The following IARS1 variants were observed in gnomAD, a reference collection of about 807,000 sequenced individuals.
IARS1 encodes the protein isoleucyl-tRNA synthetase 1, also known as isoleucine--tRNA ligase, cytoplasmic.
In IARS1, 124 loss-of-function variants were observed where a neutral mutation model predicts 168.2. That is an observed-to-expected ratio of 0.74 (90% CI 0.64 to 0.86). IARS1 has a LOEUF of 0.86. Among genes scored for constraint, IARS1 ranks in the 40% least tolerant of loss-of-function variants. The probability of loss-of-function intolerance (pLI) is 0.00; values close to 1 mark genes in which losing one functional copy is unlikely to be tolerated. For missense variants in IARS1, 1,452 were observed against 1,515.8 expected (o/e 0.96, Z 0.70); for synonymous variants, 532 against 529.4 (o/e 1.00, Z -0.07).
intron 33 of IARS1, among the ~76,000 whole-genome samples, chr9:92,215,777 A>T (rs1397186565): frequency 6.6e-6 from 1 of 151,900 alleles, no homozygotes; most frequent in Non-Finnish European, 1.5e-5. Flanking sequence ...CTATGTGAAA[A>T]GACCAAATCT....
At chr9:92,249,831 C>T (rs908043078) in intron 25 of IARS1, 27 bp downstream of exon 25, 4 of 1,232,744 alleles carry the variant, frequency 3.2e-6, no homozygotes, top group Non-Finnish European at 4.7e-6. Flanking sequence ...CTATCTGTAC[C>T]AAAAACAGAC....
chr9:92,284,976 A>G (rs754291272), intron 6 of IARS1, among the ~76,000 whole-genome samples: 18 of 152,222 alleles, frequency 1.2e-4, no homozygotes, highest in Non-Finnish European at 2.1e-4. Flanking sequence ...ACAAAGATCA[A>G]TCAAACAGGA....
chr9:92,290,975 C>A (rs1020217284), intron 1 of IARS1, among the ~76,000 whole-genome samples: 1 of 152,222 alleles, frequency 6.6e-6, no homozygotes, highest in East Asian at 1.9e-4. Context: ...TTCCATTTTA[C>A]CCTTTTTATT....
intron 6 of IARS1, among the ~76,000 whole-genome samples, chr9:92,285,437 C>G (rs1261993556): frequency 6.6e-6 from 1 of 152,130 alleles, no homozygotes; most frequent in Non-Finnish European, 1.5e-5. Context: ...CAAAGCTGGA[C>G]TTGTTAACCC....
chr9:92,219,752 C>A (rs1175926), intron 33 of IARS1, among the ~76,000 whole-genome samples: 30,254 of 78,846 alleles, frequency 0.38, 5,801 homozygotes, highest in African/African-American at 0.69. Flanking sequence ...GGCAATCATT[C>A]AAAAGTCAGG....
chr9:92,234,719 A>G (rs1294685979), intron 30 of IARS1, among the ~76,000 whole-genome samples: 1 of 152,236 alleles, frequency 6.6e-6, no homozygotes, highest in Non-Finnish European at 1.5e-5. Flanking sequence ...AAAGCAGTTC[A>G]GGGAACCATG....
chr9:92,259,253 T>G (rs1418054880), intron 18 of IARS1, among the ~76,000 whole-genome samples: 1 of 152,168 alleles, frequency 6.6e-6, no homozygotes, highest in African/African-American at 2.4e-5. Flanking sequence ...AAATGCATCT[T>G]ATGCCACTCT....
chr9:92,285,233 T>A (rs1205974548), intron 6 of IARS1, among the ~76,000 whole-genome samples: 1 of 152,166 alleles, frequency 6.6e-6, no homozygotes, highest in Non-Finnish European at 1.5e-5. Context: ...TCTGTAAACA[T>A]CAAACATGTC....
At chr9:92,232,905 A>G (rs781631925) in intron 30 of IARS1, among the ~76,000 whole-genome samples, 7 of 152,176 alleles carry the variant, frequency 4.6e-5, no homozygotes, top group Admixed American at 6.5e-5. Context: ...TAAATGAGTG[A>G]CTGTAGCTTC....
At chr9:92,219,850 G>A (rs1177957745) in intron 33 of IARS1, among the ~76,000 whole-genome samples, 1 of 150,592 alleles carries the variant, frequency 6.6e-6, no homozygotes, top group Admixed American at 6.6e-5. Flanking sequence ...CATTGTGGAA[G>A]TCAGTGTGGC....
chr9:92,280,046 T>C (rs1303838291), intron 7 of IARS1, among the ~76,000 whole-genome samples: 3 of 152,254 alleles, frequency 2.0e-5, no homozygotes, highest in Non-Finnish European at 4.4e-5. Flanking sequence ...TATCCAATGA[T>C]AGACACTTGG....
chr9:92,286,304 T>C (rs948870498), intron 5 of IARS1, among the ~76,000 whole-genome samples: 1 of 152,098 alleles, frequency 6.6e-6, no homozygotes, highest in Non-Finnish European at 1.5e-5. Flanking sequence ...GAGGCGGAGG[T>C]TGCAGTGGGC....
At chr9:92,212,839 T>C (rs867703734) in intron 33 of IARS1, among the ~76,000 whole-genome samples, 1 of 151,962 alleles carries the variant, frequency 6.6e-6, no homozygotes, top group Admixed American at 6.6e-5. Flanking sequence ...AAGGATCTTG[T>C]GTGGAAGGGA....
At chr9:92,269,715 T>C (rs1285813530) in intron 13 of IARS1, among the ~76,000 whole-genome samples, 170 bp downstream of exon 13, 2 of 152,236 alleles carry the variant, frequency 1.3e-5, no homozygotes, top group Non-Finnish European at 2.9e-5. Context: ...ACTTCTGTTC[T>C]GTAACATTAT....
At chr9:92,236,883 C>A (rs1032065865) in intron 30 of IARS1, among the ~76,000 whole-genome samples, 1 of 152,146 alleles carries the variant, frequency 6.6e-6, no homozygotes, top group East Asian at 1.9e-4. Context: ...ATAGTATTTG[C>A]GTTTTTGATT....
chr9:92,240,645 T>C, intron 30 of IARS1: 1 of 716,730 alleles, frequency 1.4e-6, no homozygotes, highest in East Asian at 2.7e-5. Flanking sequence ...CCTCTCACCT[T>C]GGCTTCCAAA....
At chr9:92,247,934 T>C (rs4743869) in intron 25 of IARS1, among the ~76,000 whole-genome samples, 88,735 of 152,160 alleles carry the variant, frequency 0.58, 28,397 homozygotes, top group African/African-American at 0.86. Context: ...TTTGTGAATG[T>C]TAATGAATAC....
At chr9:92,224,977 T>C (rs541567687) in intron 31 of IARS1, among the ~76,000 whole-genome samples, 1 of 152,128 alleles carries the variant, frequency 6.6e-6, no homozygotes, top group South Asian at 2.1e-4. Context: ...CTCCACAACA[T>C]TACTTCCACT....
intron 1 of IARS1, among the ~76,000 whole-genome samples, chr9:92,292,756 C>T (rs997453087): frequency 6.6e-6 from 1 of 152,076 alleles, no homozygotes; most frequent in Non-Finnish European, 1.5e-5. Context: ...TTCGAGACCA[C>T]CCTCCCTGAT....
Sources: allele counts gnomAD v4.1 joint callset (sites outside exome capture counted in the v4.1 genomes callset), GRCh38; gene constraint gnomAD v4.1.1; transcripts MANE v1.5; gene names NCBI Gene and HGNC (gene_info 2026-07-23, HGNC 2026-07-21).